The following GLT1D1 variants were observed in gnomAD, a reference collection of about 807,000 sequenced individuals.
The protein encoded by GLT1D1 is glycosyltransferase 1 domain containing 1.
In GLT1D1, 21 loss-of-function variants were observed where a neutral mutation model predicts 28.7. That is an observed-to-expected ratio of 0.73 (90% CI 0.52 to 1.05). The LOEUF is 1.05. GLT1D1 is among the 50% of genes least tolerant of loss of function. The probability of loss-of-function intolerance (pLI) is 0.00; values close to 1 mark genes in which losing one functional copy is unlikely to be tolerated. For missense variants in GLT1D1, 343 were observed against 330.6 expected, an observed-to-expected ratio of 1.04 and a Z score of -0.29; for synonymous variants, 147 against 124.8, an observed-to-expected ratio of 1.18 and a Z score of -1.19.
At chr12:128,914,151 A>T (rs1180056511) in intron 4 of GLT1D1, among the ~76,000 whole-genome samples, 1 of 149,754 alleles carries the variant, frequency 6.7e-6, no homozygotes, top group East Asian at 1.9e-4. Context: ...TAAAATAGTC[A>T]TTTTTTTTTT....
At chr12:128,927,185 A>T in intron 4 of GLT1D1, 31 bp downstream of exon 8, 1 of 1,472,120 alleles carries the variant, frequency 6.8e-7, no homozygotes. Context: ...CACTTATCTC[A>T]TCTCTGTTTT....
At chr12:128,980,282 G>T (rs1200320040) in intron 7 of GLT1D1, among the ~76,000 whole-genome samples, 2 of 152,192 alleles carry the variant, frequency 1.3e-5, no homozygotes, top group African/African-American at 4.8e-5. Flanking sequence ...GACAAATCAG[G>T]ACCAACTTTT....
intron 4 of GLT1D1, among the ~76,000 whole-genome samples, chr12:128,933,953 T>C (rs530228987): frequency 8.5e-4 from 130 of 152,208 alleles, no homozygotes; most frequent in African/African-American, 3.0e-3. Context: ...ACATTAAAAT[T>C]CTTATTGGAA....
intron 7 of GLT1D1, among the ~76,000 whole-genome samples, chr12:128,967,067 C>A (rs1593201205): frequency 1.3e-5 from 2 of 152,198 alleles, no homozygotes; most frequent in Admixed American, 6.5e-5. Flanking sequence ...TGAATCTATA[C>A]ACTGTCCCAG....
At position 128,875,942 on chromosome 12, in the gene GLT1D1, T is replaced by C. The variant is rs879128062; in HGVS notation, c.97T>C (p.Cys33Arg). 2 of 1,614,106 alleles carry C rather than the reference T, an allele frequency of 1.2e-6. No homozygotes were observed. Among genetic ancestry groups the C allele is most frequent in the African/African-American group, 1.3e-5 (1 of 75,032 alleles). Residue 33 changes from cysteine (C) to arginine (R), a missense_variant, in exon 2 of 8, where the codon TGC becomes CGC. Transcript: ENST00000281703. Reference sequence around the variant, plus strand: ...CCATCTAGAGGCTGCAGGGCACGTGTGCGTTTTGAAGGATGCCTTTGACTT... The same window carrying C: ...CCATCTAGAGGCTGCAGGGCACGTGCGCGTTTTGAAGGATGCCTTTGACTT...
chr12:128,904,289 T>C (rs1182115188), intron 4 of GLT1D1, among the ~76,000 whole-genome samples: 3 of 151,860 alleles, frequency 2.0e-5, no homozygotes, highest in Non-Finnish European at 2.9e-5. Flanking sequence ...AAGACTTTTT[T>C]TAAAAAACAT....
At chr12:128,934,275 C>A (rs980833167) in intron 4 of GLT1D1, among the ~76,000 whole-genome samples, 4 of 145,626 alleles carry the variant, frequency 2.7e-5, no homozygotes, top group Non-Finnish European at 5.9e-5. Context: ...ACGATCTCGG[C>A]TCACTGCAAC....
intron 4 of GLT1D1, among the ~76,000 whole-genome samples, chr12:128,933,437 G>A (rs1339111030): frequency 6.6e-6 from 1 of 152,344 alleles, no homozygotes; most frequent in Admixed American, 6.5e-5. Context: ...AAACTGTCCC[G>A]GGCTGCCCTT....
chr12:128,896,317 G>A (rs944697215), intron 3 of GLT1D1, among the ~76,000 whole-genome samples: 1 of 152,024 alleles, frequency 6.6e-6, no homozygotes, highest in African/African-American at 2.4e-5. Flanking sequence ...AAGATTGTAA[G>A]TCCTGACTTT....
chr12:128,904,016 C>A (rs374867084), intron 4 of GLT1D1, among the ~76,000 whole-genome samples: 64 of 151,862 alleles, frequency 4.2e-4, no homozygotes, highest in Admixed American at 3.6e-3. Context: ...GCATGAGCCA[C>A]TGTGCCCGGC....
chr12:128,934,307 G>A (rs899790863), intron 4 of GLT1D1, among the ~76,000 whole-genome samples: 1 of 146,696 alleles, frequency 6.8e-6, no homozygotes, highest in Non-Finnish European at 1.5e-5. Context: ...GGGTTCAAAC[G>A]ATTCTCCTTC....
At chr12:128,945,229 C>A in intron 4 of GLT1D1, 97 bp from the exon 9 acceptor site, 2 of 1,265,128 alleles carry the variant, frequency 1.6e-6, no homozygotes, top group Non-Finnish European at 2.3e-6. Flanking sequence ...AGGCCCACGC[C>A]GCGCTGGCAC....
At chr12:128,928,699 C>A (rs1020383028) in intron 4 of GLT1D1, among the ~76,000 whole-genome samples, 13 of 151,206 alleles carry the variant, frequency 8.6e-5, no homozygotes, top group African/African-American at 3.2e-4. Flanking sequence ...CGGCTCACTG[C>A]AACCTCTGCC....
At chr12:128,873,427 G>C (rs1432048100) in intron 1 of GLT1D1, among the ~76,000 whole-genome samples, 2 of 152,194 alleles carry the variant, frequency 1.3e-5, no homozygotes, top group Admixed American at 6.5e-5. Context: ...GGGCCCTGCG[G>C]ATGCACGGTG....
chr12:128,931,016 A>T (rs1275711586), intron 4 of GLT1D1, among the ~76,000 whole-genome samples: 9 of 135,880 alleles, frequency 6.6e-5, no homozygotes, highest in East Asian at 6.4e-4. Context: ...TTTTTTTTTA[A>T]AATGAGACGG....
intron 4 of GLT1D1, among the ~76,000 whole-genome samples, chr12:128,931,459 C>A (rs547207226): frequency 1.3e-5 from 2 of 151,998 alleles, no homozygotes; most frequent in South Asian, 4.2e-4. Flanking sequence ...AAGCGCCTAC[C>A]ACTACGTCCG....
chr12:128,856,953 G>A (rs184311607), intron 1 of GLT1D1, among the ~76,000 whole-genome samples: 5 of 152,128 alleles, frequency 3.3e-5, no homozygotes, highest in African/African-American at 7.2e-5. Context: ...AGACAGAGAA[G>A]ACTCCGTTTC....
At chr12:128,895,846 G>A (rs1869569875) in intron 3 of GLT1D1, among the ~76,000 whole-genome samples, 1 of 152,154 alleles carries the variant, frequency 6.6e-6, no homozygotes, top group Non-Finnish European at 1.5e-5. Context: ...ACTGAGTCTT[G>A]GAGCAGCCCA....
intron 4 of GLT1D1, among the ~76,000 whole-genome samples, chr12:128,928,397 C>A (rs966088799): frequency 6.6e-6 from 1 of 152,138 alleles, no homozygotes; most frequent in Admixed American, 6.5e-5. Context: ...GATATTCACT[C>A]GTCCCTCACC....
Sources: allele counts gnomAD v4.1 joint callset (sites outside exome capture counted in the v4.1 genomes callset), GRCh38; gene constraint gnomAD v4.1.1; transcripts MANE v1.5; gene names NCBI Gene and HGNC (gene_info 2026-07-23, HGNC 2026-07-21).